The following SCHIP1 variants were observed in gnomAD, a reference collection of about 807,000 sequenced individuals.
SCHIP1 encodes schwannomin-interacting protein 1.
In SCHIP1, 8 loss-of-function variants were observed where a neutral mutation model predicts 29.7. That is an observed-to-expected ratio of 0.27 (90% CI 0.16 to 0.49). The LOEUF (loss-of-function observed/expected upper bound fraction) is 0.49, where lower values mean the gene tolerates loss of function less well. SCHIP1 is among the 20% of genes least tolerant of loss of function. SCHIP1 has a pLI of 0.99. For synonymous variants in SCHIP1, 76 were observed against 94.9 expected, an observed-to-expected ratio of 0.80 and a Z score of 1.16; for missense variants, 193 against 294.6, an observed-to-expected ratio of 0.66 and a Z score of 2.52.
At chr3:159,604,093 G>A in the SCHIP1 span, among the ~76,000 whole-genome samples, 2 of 152,108 alleles carry the variant, frequency 1.3e-5, no homozygotes, top group Admixed American at 6.6e-5. Flanking sequence ...ACACATTCAA[G>A]CTATAGCACC....
chr3:159,576,645 A>G, the SCHIP1 span, among the ~76,000 whole-genome samples: 16 of 152,282 alleles, frequency 1.1e-4, no homozygotes, highest in East Asian at 3.1e-3. Context: ...ATTGTAGACA[A>G]AAGTTTTAGT....
chr3:159,626,251 T>TCTATATAG, the SCHIP1 span, among the ~76,000 whole-genome samples: 9 of 93,732 alleles, frequency 9.6e-5, no homozygotes, highest in South Asian at 1.7e-3. Flanking sequence ...TATCTATCTA[T>TCTATATAG]ATAGATAGAT....
At chr3:159,559,158 T>A in the SCHIP1 span, among the ~76,000 whole-genome samples, 1 of 152,100 alleles carries the variant, frequency 6.6e-6, no homozygotes. Flanking sequence ...AAAAAGAAGT[T>A]TCTCTCTCAG....
chr3:159,530,588 G>A, the SCHIP1 span, among the ~76,000 whole-genome samples: 1 of 152,130 alleles, frequency 6.6e-6, no homozygotes, highest in East Asian at 1.9e-4. Flanking sequence ...ACCATGGTAT[G>A]TACTGAGCAG....
At chr3:159,693,311 C>A in the SCHIP1 span, among the ~76,000 whole-genome samples, 1 of 152,172 alleles carries the variant, frequency 6.6e-6, no homozygotes. Flanking sequence ...ATTCTAAGAT[C>A]TCTCTTTCTT....
At chr3:159,735,341 T>G in the SCHIP1 span, among the ~76,000 whole-genome samples, 1 of 151,978 alleles carries the variant, frequency 6.6e-6, no homozygotes, top group Non-Finnish European at 1.5e-5. Context: ...GTGATTCTCC[T>G]GCCTCAGCCT....
At chr3:159,673,923 G>A in the SCHIP1 span, among the ~76,000 whole-genome samples, 1 of 152,274 alleles carries the variant, frequency 6.6e-6, no homozygotes, top group East Asian at 1.9e-4. Context: ...GCTGCCATCA[G>A]GATGTTCCCA....
chr3:159,546,228 T>C, the SCHIP1 span, among the ~76,000 whole-genome samples: 1 of 152,096 alleles, frequency 6.6e-6, no homozygotes, highest in Non-Finnish European at 1.5e-5. Flanking sequence ...ATTGTCTCAT[T>C]CTACCTCCAG....
chr3:159,715,945 T>C, the SCHIP1 span, among the ~76,000 whole-genome samples: 3 of 152,078 alleles, frequency 2.0e-5, no homozygotes, highest in African/African-American at 4.8e-5. Flanking sequence ...AGACACATAA[T>C]TGTCAGATTC....
chr3:159,322,578 A>G, the SCHIP1 span, among the ~76,000 whole-genome samples: 1 of 152,200 alleles, frequency 6.6e-6, no homozygotes, highest in Non-Finnish European at 1.5e-5. Context: ...TATTCGGCTT[A>G]AGATCTGGCC....
the SCHIP1 span, among the ~76,000 whole-genome samples, chr3:159,646,472 C>A: frequency 6.6e-6 from 1 of 152,132 alleles, no homozygotes; most frequent in Non-Finnish European, 1.5e-5. Flanking sequence ...TTCTTTCTCA[C>A]CCTCCTTCCT....
At chr3:159,297,602 G>GC in the SCHIP1 span, among the ~76,000 whole-genome samples, 1 of 151,848 alleles carries the variant, frequency 6.6e-6, no homozygotes, top group Non-Finnish European at 1.5e-5. Context: ...ATGGTAAAAT[G>GC]TTTTTTTAAA....
chr3:159,397,316 C>G, the SCHIP1 span, among the ~76,000 whole-genome samples: 3 of 152,212 alleles, frequency 2.0e-5, no homozygotes, highest in Admixed American at 6.5e-5. Context: ...CTTCTTCTCT[C>G]AGCTCGTTAA....
chr3:159,723,336 A>T, the SCHIP1 span, among the ~76,000 whole-genome samples: 1 of 152,186 alleles, frequency 6.6e-6, no homozygotes, highest in East Asian at 1.9e-4. Context: ...TTGTTTCTTT[A>T]CAAATATAAG....
chr3:159,596,079 C>A, the SCHIP1 span, among the ~76,000 whole-genome samples: 1 of 152,172 alleles, frequency 6.6e-6, no homozygotes, highest in Non-Finnish European at 1.5e-5. Context: ...TATCCAGAAT[C>A]TACAAAGAAC....
At chr3:159,404,065 G>T in the SCHIP1 span, among the ~76,000 whole-genome samples, 2 of 152,166 alleles carry the variant, frequency 1.3e-5, no homozygotes, top group East Asian at 3.9e-4. Flanking sequence ...GAAGAACCCA[G>T]TCCTTGCAGG....
chr3:159,840,286 G>A (rs866162064), intron 1 of SCHIP1: 1 of 1,343,304 alleles, frequency 7.4e-7, no homozygotes, highest in Non-Finnish European at 1.0e-6. Flanking sequence ...AAAGCAGCAG[G>A]TTGCCTCTTT....
At chr3:159,627,115 T>C in the SCHIP1 span, among the ~76,000 whole-genome samples, 1 of 152,148 alleles carries the variant, frequency 6.6e-6, no homozygotes, top group East Asian at 1.9e-4. Context: ...CACTTATGCA[T>C]GAGAACATGC....
intron 1 of SCHIP1, among the ~76,000 whole-genome samples, chr3:159,850,629 G>A (rs1357042307): frequency 6.6e-6 from 1 of 151,956 alleles, no homozygotes; most frequent in African/African-American, 2.4e-5. Flanking sequence ...TGGTTCTGCT[G>A]GCAGTACAGG....
Sources: allele counts gnomAD v4.1 joint callset (sites outside exome capture counted in the v4.1 genomes callset), GRCh38; gene constraint gnomAD v4.1.1; transcripts MANE v1.5; gene names NCBI Gene and HGNC (gene_info 2026-07-23, HGNC 2026-07-21).